The following QTGAL variants were observed in gnomAD, a reference collection of about 807,000 sequenced individuals.
The protein encoded by QTGAL is queuosine-tRNA galactosyltransferase.
At chr17:83,024,425 G>A in the QTGAL span, among the ~76,000 whole-genome samples, 320 of 152,378 alleles carry the variant, frequency 2.1e-3, 1 homozygote, top group African/African-American at 7.4e-3. Flanking sequence ...CGGAGTTCGC[G>A]AGACCACGCA....
At chr17:83,012,651 G>A in the QTGAL span, among the ~76,000 whole-genome samples, 3 of 152,174 alleles carry the variant, frequency 2.0e-5, no homozygotes, top group Non-Finnish European at 4.4e-5. Context: ...ACGTGGCAGG[G>A]ACGCCCCTTT....
At chr17:82,972,876 T>A in the QTGAL span, among the ~76,000 whole-genome samples, 1 of 143,892 alleles carries the variant, frequency 6.9e-6, no homozygotes, top group Non-Finnish European at 1.5e-5. Context: ...AAGGACCCGG[T>A]ACTGACCACA....
At chr17:82,945,254 G>A in the QTGAL span, 1 of 152,214 alleles carries the variant, frequency 6.6e-6, no homozygotes, top group East Asian at 1.9e-4. Context: ...CCAGAGAACT[G>A]GAAGATATGA....
the QTGAL span, among the ~76,000 whole-genome samples, chr17:83,012,761 C>G: frequency 6.6e-6 from 1 of 152,198 alleles, no homozygotes; most frequent in East Asian, 1.9e-4. Flanking sequence ...CCACAGAAGT[C>G]CATCCCGAAG....
At chr17:83,016,615 GGGGAGGA>G in the QTGAL span, among the ~76,000 whole-genome samples, 3 of 146,856 alleles carry the variant, frequency 2.0e-5, no homozygotes, top group East Asian at 6.2e-4. Flanking sequence ...GAAGAGGAGG[GGGGAGGA>G]GGGAGGAGGG....
At chr17:82,973,893 G>A in the QTGAL span, among the ~76,000 whole-genome samples, 4 of 152,152 alleles carry the variant, frequency 2.6e-5, no homozygotes, top group Non-Finnish European at 4.4e-5. Flanking sequence ...CTCCTCTCCC[G>A]TGTGGACAGG....
At chr17:82,982,109 CGGGTGG>C in the QTGAL span, among the ~76,000 whole-genome samples, 2,471 of 137,866 alleles carry the variant, frequency 0.018, 28 homozygotes, top group Non-Finnish European at 0.025. Context: ...ATGGGCCAAG[CGGGTGG>C]AGGAGCCTCC....
the QTGAL span, among the ~76,000 whole-genome samples, chr17:82,996,943 C>T: frequency 6.6e-6 from 1 of 152,184 alleles, no homozygotes; most frequent in Admixed American, 6.5e-5. Context: ...TATGAAACTA[C>T]TGAAAGAAAA....
chr17:82,986,047 TGCTCAGAAAC>T, the QTGAL span, among the ~76,000 whole-genome samples: 1 of 152,188 alleles, frequency 6.6e-6, no homozygotes, highest in Non-Finnish European at 1.5e-5. Context: ...TCAGGAGCCC[TGCTCAGAAAC>T]CTGACACCGG....
At chr17:83,033,297 C>T in the QTGAL span, among the ~76,000 whole-genome samples, 3 of 152,066 alleles carry the variant, frequency 2.0e-5, no homozygotes, top group African/African-American at 7.2e-5. Context: ...CCCATGTTAA[C>T]GTTTCTGTTT....
At chr17:83,006,501 C>G in the QTGAL span, 2 of 985,428 alleles carry the variant, frequency 2.0e-6, no homozygotes, top group Non-Finnish European at 2.4e-6. This position sits in a 1 kb window ranked among gnomAD's most constrained non-coding sequence, Gnocchi z 5.8. Context: ...GACCCAAGGT[C>G]AACGCCGCAC....
the QTGAL span, chr17:83,011,423 C>G: frequency 2.6e-5 from 4 of 152,232 alleles, no homozygotes; most frequent in South Asian, 8.3e-4. Flanking sequence ...AAAACAACGA[C>G]CAAGTACAAG....
At chr17:83,008,334 G>A in the QTGAL span, among the ~76,000 whole-genome samples, 1 of 152,268 alleles carries the variant, frequency 6.6e-6, no homozygotes, top group Non-Finnish European at 1.5e-5. Flanking sequence ...AGGCGGAGCA[G>A]AAAGCGCAGG....
the QTGAL span, among the ~76,000 whole-genome samples, chr17:83,047,483 A>C: frequency 2.1e-5 from 3 of 143,960 alleles, no homozygotes; most frequent in East Asian, 2.1e-4. Flanking sequence ...GGTCTATAAT[A>C]AATCCCTACC....
chr17:82,956,766 T>C, the QTGAL span: 1 of 1,579,208 alleles, frequency 6.3e-7, no homozygotes. The surrounding 1 kb of genome is among the most constrained non-coding windows in gnomAD (Gnocchi z 5.7). Flanking sequence ...GGCTTGGGTC[T>C]TTCCTGAGAG....
chr17:83,043,483 A>G, the QTGAL span, among the ~76,000 whole-genome samples: 1 of 152,214 alleles, frequency 6.6e-6, no homozygotes. Flanking sequence ...AACGAAAACA[A>G]AAACACAACA....
At chr17:83,006,260 C>A in the QTGAL span, 1 of 985,428 alleles carries the variant, frequency 1.0e-6, no homozygotes, top group Non-Finnish European at 1.2e-6. This position sits in a 1 kb window ranked among gnomAD's most constrained non-coding sequence, Gnocchi z 5.8. Flanking sequence ...CATCTGAGGC[C>A]CCTGGATCTG....
At chr17:82,956,605 CCACA>C in the QTGAL span, 1 of 1,374,528 alleles carries the variant, frequency 7.3e-7, no homozygotes, top group Non-Finnish European at 9.8e-7. This position sits in a 1 kb window ranked among gnomAD's most constrained non-coding sequence, Gnocchi z 5.7. Context: ...TCATCCCAGG[CCACA>C]CAGTCATTGC....
chr17:83,021,177 A>G, the QTGAL span, among the ~76,000 whole-genome samples: 5 of 152,242 alleles, frequency 3.3e-5, no homozygotes, highest in Admixed American at 6.5e-5. Flanking sequence ...GGTTGTTGCT[A>G]GAAGCACTTC....
Sources: gnomAD v4.1 joint callset for allele counts (sites outside exome capture counted in the v4.1 genomes callset) on GRCh38, gnomAD v4.1.1 for gene constraint, Gnocchi (gnomAD v3.1) non-coding constraint, MANE v1.5 for transcripts, NCBI Gene and HGNC (gene_info 2026-07-23, HGNC 2026-07-21) for gene names.